EPHA5: variants seen among roughly 807,000 people sequenced by gnomAD.
EPHA5 encodes ephrin type-A receptor 5.
Under a neutral mutation model 105.0 loss-of-function variants are expected in EPHA5, and 60 were observed. The ratio of observed to expected loss-of-function variants is 0.57; its 90% CI spans 0.46 to 0.71. The LOEUF (loss-of-function observed/expected upper bound fraction) is 0.71, where lower values mean the gene tolerates loss of function less well. Ranked by LOEUF, EPHA5 falls within the 30% of genes least tolerant of loss-of-function variation. The probability of loss-of-function intolerance (pLI) is 0.00; values close to 1 mark genes in which losing one functional copy is unlikely to be tolerated. For synonymous variants in EPHA5, 513 were observed against 449.1 expected (o/e 1.14, Z -1.80); for missense variants, 1,218 against 1,274.7 (o/e 0.96, Z 0.68).
At position 65,323,368 on chromosome 4, in the gene EPHA5, C is replaced by A. The variant is rs1290238033; in HGVS notation, c.*746G>T. The A allele has an allele frequency of 4.3e-6, 1 of 230,086 alleles. No individual in the cohort carries two copies. The highest frequency in any genetic ancestry group is 2.2e-5 in the African/African-American group (1 of 45,124). The allele number at this position is 230,086 out of a possible 1,614,324, so 14.3% of individuals were successfully genotyped here. On this transcript the variant is annotated 3_prime_UTR_variant, in exon 17 of 17. Transcript: ENST00000613740. ...TAGAAATGCAAGCAGAATGGTAACACACACATGTGCAAGCAAACACACACA... is the reference window on the plus strand; with the variant it reads ...TAGAAATGCAAGCAGAATGGTAACAAACACATGTGCAAGCAAACACACACA...
chr4:65,618,576 C>T (rs1413045307), intron 2 of EPHA5, among the ~76,000 whole-genome samples: 1 of 152,094 alleles, frequency 6.6e-6, no homozygotes, highest in Non-Finnish European at 1.5e-5. Context: ...TGACAATCTT[C>T]CCCTAAGTAG....
At chr4:65,429,834 G>A (rs987978563) in intron 5 of EPHA5, among the ~76,000 whole-genome samples, 1 of 151,984 alleles carries the variant, frequency 6.6e-6, no homozygotes, top group African/African-American at 2.4e-5. Context: ...TATGCCAGTA[G>A]ACACAAAAAA....
At chr4:65,638,162 T>G (rs552493943) in intron 2 of EPHA5, among the ~76,000 whole-genome samples, 10 of 152,292 alleles carry the variant, frequency 6.6e-5, no homozygotes, top group Admixed American at 3.3e-4. Flanking sequence ...TAATTGAATA[T>G]TCATACAATT....
At chr4:65,569,200 T>C (rs1244555637) in intron 3 of EPHA5, among the ~76,000 whole-genome samples, 1 of 151,566 alleles carries the variant, frequency 6.6e-6, no homozygotes, top group Non-Finnish European at 1.5e-5. Context: ...TAAATGCTTT[T>C]TAAGTTGTTT....
At chr4:65,562,893 C>A (rs1260890289) in intron 3 of EPHA5, among the ~76,000 whole-genome samples, 1 of 151,788 alleles carries the variant, frequency 6.6e-6, no homozygotes, top group Non-Finnish European at 1.5e-5. Flanking sequence ...GGGAGGATTG[C>A]TAGAAACCAG....
intron 5 of EPHA5, among the ~76,000 whole-genome samples, chr4:65,471,759 GC>G (rs1442415481): frequency 2.0e-5 from 3 of 152,042 alleles, no homozygotes; most frequent in Admixed American, 6.6e-5. Flanking sequence ...GGAGGAAACT[GC>G]CCCCATGATC....
chr4:65,654,011 C>T (rs998193324), intron 1 of EPHA5, among the ~76,000 whole-genome samples: 22 of 152,096 alleles, frequency 1.4e-4, no homozygotes, highest in African/African-American at 5.3e-4. Context: ...ATCTGCTTGC[C>T]AATTTCTGGG....
chr4:65,611,452 T>C (rs1452318259), intron 2 of EPHA5, among the ~76,000 whole-genome samples: 1 of 138,048 alleles, frequency 7.2e-6, no homozygotes, highest in Non-Finnish European at 1.6e-5. Context: ...TTAATGAAAA[T>C]AAAGTAGATT....
chr4:65,381,512 T>C (rs1719560886), intron 8 of EPHA5, among the ~76,000 whole-genome samples: 2 of 151,814 alleles, frequency 1.3e-5, no homozygotes, highest in Non-Finnish European at 2.9e-5. Context: ...ATATATTTCA[T>C]TAAAGGCCAT....
At chr4:65,650,559 C>CAAAAAAAAAAAAAAAAAAAAAAAAA (rs59357895) in intron 1 of EPHA5, among the ~76,000 whole-genome samples, 9 of 117,002 alleles carry the variant, frequency 7.7e-5, no homozygotes, top group African/African-American at 1.1e-4. Flanking sequence ...GACTCAGTCT[C>CAAAAAAAAAAAAAAAAAAAAAAAAA]AAAAAAAAAA....
At chr4:65,544,401 T>A (rs1737165854) in intron 3 of EPHA5, among the ~76,000 whole-genome samples, 1 of 150,468 alleles carries the variant, frequency 6.6e-6, no homozygotes. Context: ...AACAACCTAA[T>A]AAAAAGTGGG....
At chr4:65,636,434 A>T (rs185152082) in intron 2 of EPHA5, among the ~76,000 whole-genome samples, 2 of 152,214 alleles carry the variant, frequency 1.3e-5, no homozygotes, top group East Asian at 3.9e-4. Context: ...AATAATCAGG[A>T]CGTTGGATGA....
intron 5 of EPHA5, among the ~76,000 whole-genome samples, chr4:65,438,432 ATG>A: frequency 6.6e-6 from 1 of 152,050 alleles, no homozygotes; most frequent in African/African-American, 2.4e-5. Flanking sequence ...ACATGTATAT[ATG>A]TATCCATATA....
intron 3 of EPHA5, chr4:65,573,628 A>G: frequency 6.2e-7 from 1 of 1,600,528 alleles, no homozygotes; most frequent in Non-Finnish European, 8.5e-7. Context: ...ATTGGCAGGT[A>G]TTCCCGATCT....
intron 3 of EPHA5, among the ~76,000 whole-genome samples, chr4:65,576,056 A>G (rs1462755447): frequency 7.2e-4 from 51 of 70,736 alleles, no homozygotes; most frequent in African/African-American, 2.6e-3. Context: ...GAAAGAAAGA[A>G]AGAAAAGAAA....
At chr4:65,399,061 C>T (rs940439229) in intron 8 of EPHA5, among the ~76,000 whole-genome samples, 2 of 152,144 alleles carry the variant, frequency 1.3e-5, no homozygotes, top group East Asian at 3.9e-4. Flanking sequence ...AGAGTGGCAA[C>T]CCTTTGGGGA....
At chr4:65,361,714 A>T (rs1717343461) in intron 11 of EPHA5, among the ~76,000 whole-genome samples, 2 of 151,778 alleles carry the variant, frequency 1.3e-5, no homozygotes, top group African/African-American at 2.4e-5. Context: ...ATCTCTGCAG[A>T]TATAGAAATA....
chr4:65,363,684 A>G (rs1717562449), intron 11 of EPHA5, among the ~76,000 whole-genome samples: 2 of 151,562 alleles, frequency 1.3e-5, no homozygotes, highest in South Asian at 4.1e-4. Flanking sequence ...ATTAAGAACT[A>G]TGTTTTATAT....
intron 8 of EPHA5, among the ~76,000 whole-genome samples, chr4:65,400,805 T>G (rs981899971): frequency 6.6e-6 from 1 of 152,124 alleles, no homozygotes; most frequent in African/African-American, 2.4e-5. Context: ...TCAAGATATA[T>G]TTCCTCTTAG....
Sources: gnomAD v4.1 joint callset for allele counts (sites outside exome capture counted in the v4.1 genomes callset) on GRCh38, gnomAD v4.1.1 for gene constraint, MANE v1.5 for transcripts, NCBI Gene and HGNC (gene_info 2026-07-23, HGNC 2026-07-21) for gene names.